The following PCDHA9 variants were observed in gnomAD, a reference collection of about 807,000 sequenced individuals.
The protein encoded by PCDHA9 is protocadherin alpha-9.
In PCDHA9, 62 loss-of-function variants were observed where a neutral mutation model predicts 62.0. The observed-to-expected ratio is 1.00, with a 90% CI of 0.81 to 1.23. PCDHA9 has a LOEUF of 1.23. Among genes scored for constraint, PCDHA9 ranks in the 50% most tolerant of loss-of-function variants. The pLI, the probability that PCDHA9 is intolerant of heterozygous loss-of-function variation, is 0.00. For missense variants in PCDHA9, 1,205 were observed against 1,249.8 expected (o/e 0.96, Z 0.54); for synonymous variants, 557 against 567.6 (o/e 0.98, Z 0.27).
intron 1 of PCDHA9, chr5:140,851,422 A>C (rs1554145396): frequency 1.1e-6 from 1 of 948,550 alleles, no homozygotes; most frequent in Non-Finnish European, 1.3e-6. Flanking sequence ...ACTTCCCCTA[A>C]ACTTTAGAAA....
At chr5:140,883,759 G>C (rs1554179777) in intron 1 of PCDHA9, 1 of 1,612,822 alleles carries the variant, frequency 6.2e-7, no homozygotes, top group Non-Finnish European at 8.5e-7. Context: ...TGGTGGAGCG[G>C]CGGGTGGGCG....
intron 1 of PCDHA9, chr5:140,883,514 G>C (rs2059648914): frequency 1.2e-6 from 2 of 1,614,220 alleles, no homozygotes; most frequent in Non-Finnish European, 1.7e-6. Context: ...CCTGGACCGC[G>C]AGAGCGTATC....
chr5:140,982,254 T>C (rs1275431812), intron 2 of PCDHA9: 9 of 774,802 alleles, frequency 1.2e-5, no homozygotes, highest in Non-Finnish European at 1.5e-5. Flanking sequence ...AGATAGAACA[T>C]GTGTGTTCCT....
At chr5:140,882,688 AATC>A in intron 1 of PCDHA9, 1 of 1,614,196 alleles carries the variant, frequency 6.2e-7, no homozygotes, top group South Asian at 1.1e-5. Context: ...AGAAACGAAT[AATC>A]ATTGCAGAAT....
At chr5:140,915,083 C>T in intron 1 of PCDHA9, among the ~76,000 whole-genome samples, 1 of 151,628 alleles carries the variant, frequency 6.6e-6, no homozygotes, top group East Asian at 1.9e-4. Flanking sequence ...GTAGCTGGGA[C>T]TATGGGCACG....
chr5:140,982,795 A>ATG (rs60616196), intron 3 of PCDHA9, among the ~76,000 whole-genome samples: 5,064 of 151,610 alleles, frequency 0.033, 263 homozygotes, highest in African/African-American at 0.11. Context: ...GCATGTGTGC[A>ATG]TGTGTGTGTG....
chr5:140,857,289 G>A lies in PCDHA9; in HGVS notation c.2394+6400G>A, dbSNP rs782361309. The A allele has an allele frequency of 3.8e-6, 6 of 1,598,692 alleles. No homozygotes were observed. In the South Asian group the frequency reaches 4.4e-5, roughly 12 times the overall value. ...TTGGTGCTGGACAGCGCTCTGGACC[G>A]CGAGAGGGTGTCGGCCTATGAGCTG... On this transcript the variant is annotated intron_variant, in intron 1 of 3. Coordinates refer to ENST00000532602, the MANE Select transcript of PCDHA9 (RefSeq NM_031857.2).
At chr5:140,988,058 A>G (rs2097280755) in intron 3 of PCDHA9, among the ~76,000 whole-genome samples, 1 of 152,200 alleles carries the variant, frequency 6.6e-6, no homozygotes, top group African/African-American at 2.4e-5. Flanking sequence ...CACTGTCAAC[A>G]TGAATTTTTC....
At chr5:140,964,173 C>A (rs1052958313) in intron 1 of PCDHA9, among the ~76,000 whole-genome samples, 5 of 152,174 alleles carry the variant, frequency 3.3e-5, no homozygotes, top group Non-Finnish European at 7.4e-5. Context: ...GGAACGAAAT[C>A]ATTATAGTGC....
intron 1 of PCDHA9, chr5:140,968,266 G>A: frequency 6.2e-7 from 1 of 1,614,080 alleles, no homozygotes; most frequent in Non-Finnish European, 8.5e-7. Context: ...ATGAAAAGGA[G>A]AATGCAGAGG....
intron 1 of PCDHA9, among the ~76,000 whole-genome samples, chr5:140,924,911 TA>T (rs1563069164): frequency 3.0e-4 from 18 of 59,772 alleles, no homozygotes; most frequent in Middle Eastern, 7.5e-3. Flanking sequence ...AAAAATAAAA[TA>T]AAATAAAATA....
At chr5:140,882,435 T>C in intron 1 of PCDHA9, 2 of 1,614,036 alleles carry the variant, frequency 1.2e-6, no homozygotes, top group East Asian at 4.5e-5. Context: ...GGGCTGGAGC[T>C]GGCGGAGCTG....
At chr5:140,941,222 T>C (rs147673675) in intron 1 of PCDHA9, among the ~76,000 whole-genome samples, 3 of 116,858 alleles carry the variant, frequency 2.6e-5, no homozygotes, top group African/African-American at 6.4e-5. Flanking sequence ...TTCCTTTCTT[T>C]CTTTCTTTCT....
At chr5:140,981,049 T>C (rs2096916420) in intron 2 of PCDHA9, among the ~76,000 whole-genome samples, 1 of 152,158 alleles carries the variant, frequency 6.6e-6, no homozygotes. Context: ...AAACAGATAA[T>C]TCTAGAGTGT....
rs782072957 is a variant in PCDHA9, at chr5:140,870,352, G to A, written c.2394+19463G>A. ...GGACAGCGCCCTGGACCGCGAGAAC[G>A]TGTGGGCCTATGAACTGGTGGTGAC... On this transcript the variant is annotated intron_variant, in intron 1 of 3. Coordinates refer to ENST00000532602, the MANE Select transcript of PCDHA9 (RefSeq NM_031857.2). 36 of 1,614,108 alleles carry A rather than the reference G, an allele frequency of 2.2e-5. No homozygotes were observed. In the South Asian group the frequency reaches 3.2e-4, roughly 14 times the overall value.
intron 1 of PCDHA9, chr5:140,967,077 G>A (rs1483899506): frequency 1.9e-6 from 3 of 1,613,140 alleles, no homozygotes; most frequent in South Asian, 1.1e-5. Context: ...GTCAACGAGC[G>A]CATTGATCGG....
chr5:140,862,882 G>T (rs782187514), intron 1 of PCDHA9: 2 of 564,526 alleles, frequency 3.5e-6, no homozygotes, highest in Non-Finnish European at 6.8e-6. Flanking sequence ...TATTAGTGCT[G>T]GAACGACAAC....
intron 1 of PCDHA9, chr5:140,859,302 A>G (rs1280073821): frequency 4.7e-5 from 6 of 128,898 alleles, no homozygotes; most frequent in Non-Finnish European, 1.1e-4. Context: ...CTTTAGTATG[A>G]ATTAATATTA....
Position 140,863,430 on chromosome 5 carries a change from A to G in PCDHA9, c.2394+12541A>G, listed in dbSNP as rs782084592. ...CGCTGGTGTACCGCAGCGTAGTGGG[A>G]TCTGGTCTTACTCGCAGCAAAGGAG... On this transcript the variant is annotated intron_variant, in intron 1 of 3. Coordinates refer to ENST00000532602, the MANE Select transcript of PCDHA9 (RefSeq NM_031857.2). The G allele has an allele frequency of 4.5e-5, 29 of 647,180 alleles. 1 individual carries two copies. In the Admixed American group the frequency reaches 5.6e-4, roughly 13 times the overall value. The allele number at this position is 647,180 out of a possible 1,614,324, so 40.1% of individuals were successfully genotyped here. A position where few individuals can be genotyped will look rare whatever the true frequency, so the allele number is the denominator to read the frequency against.
Sources: gnomAD v4.1 joint callset for allele counts (sites outside exome capture counted in the v4.1 genomes callset) on GRCh38, gnomAD v4.1.1 for gene constraint, MANE v1.5 for transcripts, NCBI Gene and HGNC (gene_info 2026-07-23, HGNC 2026-07-21) for gene names.